Variants in SHANK2 observed in about 807,000 individuals in gnomAD.
SHANK2 encodes SH3 and multiple ankyrin repeat domains 2, also known as SH3 and multiple ankyrin repeat domains protein 2.
A neutral mutation model predicts 133.7 loss-of-function variants in SHANK2; 43 were observed. The ratio of observed to expected loss-of-function variants is 0.32; its 90% CI spans 0.25 to 0.41. SHANK2 has a LOEUF of 0.41. SHANK2 is among the 10% of genes least tolerant of loss of function. The pLI is 1.00. For synonymous variants in SHANK2, 1,017 were observed against 952.8 expected, an observed-to-expected ratio of 1.07 and a Z score of -1.24; for missense variants, 1,994 against 2,235.8, an observed-to-expected ratio of 0.89 and a Z score of 2.18.
At chr11:70,484,863 G>A (rs1486146152) in intron 25 of SHANK2, among the ~76,000 whole-genome samples, 3 of 152,126 alleles carry the variant, frequency 2.0e-5, no homozygotes, top group South Asian at 2.1e-4. Flanking sequence ...GAACCCACAC[G>A]TGTATTCAGA....
At chr11:70,942,602 A>G in intron 10 of SHANK2, 1 of 456,888 alleles carries the variant, frequency 2.2e-6, no homozygotes, top group South Asian at 1.5e-5. Context: ...ACCATAGCAC[A>G]GACCTAGCAG....
At chr11:70,593,156 C>G (rs543659241) in intron 17 of SHANK2, among the ~76,000 whole-genome samples, 1 of 152,198 alleles carries the variant, frequency 6.6e-6, no homozygotes, top group South Asian at 2.1e-4. Context: ...TGTCCCAGCA[C>G]GCGTAGGACT....
chr11:70,901,828 G>C (rs911057302), intron 10 of SHANK2, among the ~76,000 whole-genome samples: 2 of 152,208 alleles, frequency 1.3e-5, no homozygotes, highest in African/African-American at 4.8e-5. Flanking sequence ...CAGACGTGGT[G>C]AATGTGGCAG....
At chr11:70,688,515 G>C (rs1427210432) in intron 15 of SHANK2, among the ~76,000 whole-genome samples, 1 of 152,204 alleles carries the variant, frequency 6.6e-6, no homozygotes, top group Non-Finnish European at 1.5e-5. Context: ...ATGACCCACT[G>C]TGCACCCAGG....
chr11:71,235,832 G>A (rs879975633), intron 1 of SHANK2, among the ~76,000 whole-genome samples: 11 of 152,156 alleles, frequency 7.2e-5, no homozygotes, highest in African/African-American at 1.9e-4. Flanking sequence ...ACAGCCTGTG[G>A]GGAGTGGCTG....
intron 3 of SHANK2, among the ~76,000 whole-genome samples, chr11:71,138,653 C>A (rs1952493471): frequency 1.3e-5 from 2 of 151,340 alleles, no homozygotes; most frequent in South Asian, 2.1e-4. Flanking sequence ...TCTGTCTCTA[C>A]TAAAAAGAAA....
intron 9 of SHANK2, among the ~76,000 whole-genome samples, chr11:71,059,698 T>C (rs1288872401): frequency 6.6e-6 from 1 of 152,190 alleles, no homozygotes; most frequent in African/African-American, 2.4e-5. Context: ...CCACACCCTC[T>C]CCGGCAGCTA....
chr11:70,938,117 T>C (rs1340129145), intron 10 of SHANK2, among the ~76,000 whole-genome samples: 2 of 152,198 alleles, frequency 1.3e-5, no homozygotes, highest in Non-Finnish European at 2.9e-5. Context: ...CAATCCCAGT[T>C]TCCCCAAGGA....
chr11:70,517,290 T>A lies in SHANK2; in HGVS notation c.2062-14359A>T, dbSNP rs116463182. ...TGGGAACCCAAAATAACACAGGCAC[T>A]TTGGAAGACAGTTTGGCAGTTTCTT... On this transcript the variant is annotated intron_variant, in intron 17 of 25. Coordinates refer to ENST00000601538, the MANE Select transcript of SHANK2 (RefSeq NM_012309.5). 8.7e-3 allele frequency among the ~76,000 whole-genome samples: 1,332 copies of A among 152,314 alleles called. 19 individuals carry two copies. Among genetic ancestry groups the A allele is most frequent in the African/African-American group, 0.031 (1,284 of 41,556 alleles).
At chr11:70,844,307 C>T (rs560206321) in intron 11 of SHANK2, among the ~76,000 whole-genome samples, 1 of 152,274 alleles carries the variant, frequency 6.6e-6, no homozygotes, top group East Asian at 1.9e-4. Flanking sequence ...TCAAGCTGTT[C>T]AGTTTCTACC....
intron 3 of SHANK2, among the ~76,000 whole-genome samples, chr11:71,132,419 A>G (rs1952333234): frequency 6.6e-6 from 1 of 152,128 alleles, no homozygotes; most frequent in Non-Finnish European, 1.5e-5. Context: ...TACTCCCCCT[A>G]CACTGTGGGA....
At chr11:71,099,398 G>A (rs929247309) in intron 6 of SHANK2, among the ~76,000 whole-genome samples, 12 of 152,186 alleles carry the variant, frequency 7.9e-5, no homozygotes, top group Non-Finnish European at 1.0e-4. Flanking sequence ...GATAAGGGGG[G>A]AAGCTGGGTA....
intron 14 of SHANK2, among the ~76,000 whole-genome samples, chr11:70,760,689 GC>G (rs1376884235): frequency 6.6e-6 from 1 of 152,218 alleles, no homozygotes; most frequent in African/African-American, 2.4e-5. Context: ...GCTCGGGAAG[GC>G]CCCATGGTGG....
At chr11:70,521,515 C>G (rs1554970999) in intron 17 of SHANK2, among the ~76,000 whole-genome samples, 1 of 152,248 alleles carries the variant, frequency 6.6e-6, no homozygotes, top group African/African-American at 2.4e-5. Context: ...CTGCTACTCT[C>G]TCTCTTCTAC....
intron 9 of SHANK2, among the ~76,000 whole-genome samples, chr11:71,057,914 G>GT (rs879235729): frequency 0.22 from 26,249 of 120,936 alleles, 3,287 homozygotes; most frequent in Admixed American, 0.29. Context: ...AAGCAAAACG[G>GT]TTTTTTTTTT....
rs556745330 is a variant in SHANK2 at position 70,536,518 on chromosome 11, G to A, written c.2062-33587C>T. Among the ~76,000 whole-genome samples the A allele has an allele frequency of 5.9e-4, 90 of 152,180 alleles. 1 individual carries two copies. In the Middle Eastern group the frequency reaches 0.01, roughly 17 times the overall value. ...AACCCGAGAGGCAGAATGGCCGGCC[G>A]ATCCTGAGGCTGTGTCTGCACCCAC... On this transcript the variant is annotated intron_variant, in intron 17 of 25. Coordinates refer to ENST00000601538, the MANE Select transcript of SHANK2 (RefSeq NM_012309.5).
chr11:70,732,717 G>A (rs1416707735), intron 14 of SHANK2, among the ~76,000 whole-genome samples: 1 of 152,190 alleles, frequency 6.6e-6, no homozygotes, highest in Non-Finnish European at 1.5e-5. Flanking sequence ...CCTTGCTTCT[G>A]TCCGGTCTCT....
rs1200487496 is a variant in SHANK2 at position 70,882,753 on chromosome 11, C to G, written c.1174+13748G>C. ...CTTATCCTCATGTCCACAGGAAAGG[C>G]CACCTCTGTGCCATCTGTCCACGCT... On this transcript the variant is annotated intron_variant, in intron 11 of 25. Transcript: ENST00000601538. This position sits in a 1 kb window ranked among gnomAD's most constrained non-coding sequence, Gnocchi z 4.2. Among the ~76,000 whole-genome samples, 1 of 152,216 alleles carries G rather than the reference C, an allele frequency of 6.6e-6. No homozygotes were observed. Among genetic ancestry groups the G allele is most frequent in the African/African-American group, 2.4e-5 (1 of 41,458 alleles).
chr11:71,100,599 T>C (rs1418378033), intron 6 of SHANK2, among the ~76,000 whole-genome samples: 1 of 152,154 alleles, frequency 6.6e-6, no homozygotes, highest in Admixed American at 6.5e-5. Flanking sequence ...CCAGGCACAG[T>C]GGTTCACACC....
Sources: allele counts gnomAD v4.1 joint callset (sites outside exome capture counted in the v4.1 genomes callset), GRCh38; gene constraint gnomAD v4.1.1; non-coding constraint Gnocchi (gnomAD v3.1); transcripts MANE v1.5; gene names NCBI Gene and HGNC (gene_info 2026-07-23, HGNC 2026-07-21).